Variants in ENKUR observed in about 807,000 individuals in gnomAD.
The protein encoded by ENKUR is enkurin, TRPC channel interacting protein, also known as enkurin.
Under a neutral mutation model 27.6 loss-of-function variants are expected in ENKUR, and 19 were observed. The ratio of observed to expected loss-of-function variants is 0.69; its 90% CI spans 0.48 to 1.01. The LOEUF (loss-of-function observed/expected upper bound fraction) is 1.01. Ranked by LOEUF, ENKUR falls within the 50% of genes least tolerant of loss-of-function variation. The probability of loss-of-function intolerance (pLI) is 0.00; values close to 1 mark genes in which losing one functional copy is unlikely to be tolerated. For synonymous variants in ENKUR, 117 were observed against 96.9 expected, an observed-to-expected ratio of 1.21 and a Z score of -1.22; for missense variants, 312 against 310.5, an observed-to-expected ratio of 1.00 and a Z score of -0.04.
In ENKUR at chr10:24,999,314, C is replaced by G. The variant is rs930825082; in HGVS notation, c.223+87G>C. The stretch of plus-strand genomic sequence containing the variant: ...TGAGGTAAAGCTGCTATCACCTGTG[C>G]ATGTTTAATATTCATCAACAATAAA... On this transcript the variant is annotated intron_variant, in intron 2 of 5. Coordinates refer to ENST00000331161, the MANE Select transcript of ENKUR (RefSeq NM_145010.4). 1.5e-5 allele frequency: 19 copies of G among 1,298,732 alleles called. No homozygotes were observed. In the Admixed American group the frequency reaches 4.4e-4, roughly 30 times the overall value. 80.5% of individuals were successfully genotyped at this position (1,298,732 alleles called of 1,614,324 possible).
rs1850812790 is a variant in ENKUR at position 25,024,844 on chromosome 10, A to T, written c.38-28975T>A. 1.9e-6 allele frequency: 3 copies of T among 1,613,996 alleles called. No homozygotes were observed. The highest frequency in any genetic ancestry group is 2.5e-6 in the Non-Finnish European group (3 of 1,180,042). ...TGCCTCTAATCAGAACCATGTTTTG[A>T]CTGATTTTATAAAAACAGGACATTA... On this transcript the variant is annotated intron_variant, in intron 2 of 5. Transcript: ENST00000615958.
At chr10:25,012,168 C>T (rs1767570071) in intron 1 of ENKUR, among the ~76,000 whole-genome samples, 1 of 152,258 alleles carries the variant, frequency 6.6e-6, no homozygotes, top group Non-Finnish European at 1.5e-5. Flanking sequence ...GTTTGGGAAC[C>T]TCCACCTAGA....
intron 1 of ENKUR, among the ~76,000 whole-genome samples, chr10:25,012,180 T>A (rs543858985): frequency 6.6e-6 from 1 of 152,328 alleles, no homozygotes; most frequent in African/African-American, 2.4e-5. Context: ...CCACCTAGAT[T>A]TCAAAGGTTG....
intron 2 of ENKUR, among the ~76,000 whole-genome samples, chr10:25,028,974 A>G (rs1360087348): frequency 6.6e-6 from 1 of 152,170 alleles, no homozygotes; most frequent in African/African-American, 2.4e-5. Flanking sequence ...TTGCTCAGAG[A>G]CTTCCAAATT....
At chr10:25,051,913 T>A (rs948271717) in intron 2 of ENKUR, among the ~76,000 whole-genome samples, 2 of 152,238 alleles carry the variant, frequency 1.3e-5, no homozygotes, top group Non-Finnish European at 2.9e-5. Flanking sequence ...GATTCTGCAA[T>A]TCACAGCTAG....
intron 2 of ENKUR, among the ~76,000 whole-genome samples, chr10:25,021,276 A>G (rs1365370627): frequency 6.6e-6 from 1 of 152,236 alleles, no homozygotes; most frequent in Non-Finnish European, 1.5e-5. Flanking sequence ...GCTAAGAGGT[A>G]TCTTTTTGTG....
chr10:25,057,442 C>T (rs569826081), intron 2 of ENKUR, among the ~76,000 whole-genome samples: 6 of 149,834 alleles, frequency 4.0e-5, no homozygotes, highest in East Asian at 2.0e-4. Context: ...GCCCTTAAAT[C>T]GCTCTTCAGT....
intron 2 of ENKUR, among the ~76,000 whole-genome samples, chr10:25,056,421 G>C (rs1260111198): frequency 6.6e-6 from 1 of 152,230 alleles, no homozygotes; most frequent in Non-Finnish European, 1.5e-5. Flanking sequence ...AATGGGGGAA[G>C]ACGCATTCAT....
Position 25,024,606 on chromosome 10 carries a change from T to C in ENKUR, c.38-28737A>G, listed in dbSNP as rs773225245. On this transcript the variant is annotated intron_variant, in intron 2 of 5. Transcript: ENST00000615958. Reference sequence around the variant, plus strand: ...TTACTGGCTTTCTTACTGTGGAATATGGAACAATCTTAAGTTCGGCTAACT... The same window carrying C: ...TTACTGGCTTTCTTACTGTGGAATACGGAACAATCTTAAGTTCGGCTAACT... 3.7e-6 allele frequency: 6 copies of C among 1,614,248 alleles called. No homozygotes were observed. The Admixed American group carries it at 6.7e-5, about 18-fold the overall frequency.
intron 1 of ENKUR, among the ~76,000 whole-genome samples, chr10:25,002,917 T>C (rs1850220989): frequency 6.6e-6 from 1 of 150,550 alleles, no homozygotes; most frequent in African/African-American, 2.5e-5. Flanking sequence ...TAATTTCATT[T>C]GGGGTAAAAA....
chr10:25,050,363 T>C (rs1331212187), intron 2 of ENKUR, among the ~76,000 whole-genome samples: 1 of 152,202 alleles, frequency 6.6e-6, no homozygotes, highest in Admixed American at 6.5e-5. Flanking sequence ...AGAAATTTAA[T>C]TGACTCACAG....
chr10:24,995,506 G>C, intron 3 of ENKUR, 140 bp downstream of exon 3: 1 of 733,488 alleles, frequency 1.4e-6, no homozygotes, highest in Non-Finnish European at 2.2e-6. Context: ...ACCAAACACA[G>C]ATTGCAGAAG....
chr10:24,987,044 C>T (rs1370460327), intron 4 of ENKUR, among the ~76,000 whole-genome samples: 3 of 152,188 alleles, frequency 2.0e-5, no homozygotes, highest in Non-Finnish European at 4.4e-5. Flanking sequence ...TGGGGTGCTC[C>T]CAGCTCTTTC....
intron 2 of ENKUR, chr10:25,024,326 C>T: frequency 6.2e-7 from 1 of 1,614,170 alleles, no homozygotes; most frequent in Non-Finnish European, 8.5e-7. Context: ...TGTATCCCAC[C>T]AAGTTGCAAT....
In ENKUR at chr10:25,054,521, T is replaced by TC. The variant is rs1226344743; in HGVS notation, c.37+6590dup. Among the ~76,000 whole-genome samples, 452 of 146,848 alleles carry TC rather than the reference T, an allele frequency of 3.1e-3. 3 individuals carry two copies. The highest frequency in any genetic ancestry group is 0.011 in the African/African-American group (423 of 39,414). On this transcript the variant is annotated intron_variant, in intron 2 of 5. Coordinates refer to the ENKUR transcript ENST00000615958. Reference sequence around the variant, plus strand: ...TCTTTCTTTCTTTCTTTCCTTTCTTTCTTTCTTTCCTTTCTTTCTTTCTTT... The same window carrying TC: ...TCTTTCTTTCTTTCTTTCCTTTCTTTCCTTTCTTTCCTTTCTTTCTTTCTTT...
intron 3 of ENKUR, among the ~76,000 whole-genome samples, chr10:24,991,616 G>C (rs187760292): frequency 6.6e-6 from 1 of 152,122 alleles, no homozygotes; most frequent in Non-Finnish European, 1.5e-5. Flanking sequence ...AGAGCTGCCC[G>C]GCTCCAGGGA....
At chr10:25,049,869 C>A (rs1851165850) in intron 2 of ENKUR, among the ~76,000 whole-genome samples, 1 of 150,328 alleles carries the variant, frequency 6.7e-6, no homozygotes, top group African/African-American at 2.5e-5. Flanking sequence ...GTGTATTAGA[C>A]CATTTTTGCA....
chr10:25,044,444 TGGA>T (rs1851099157), intron 2 of ENKUR, among the ~76,000 whole-genome samples: 1 of 152,208 alleles, frequency 6.6e-6, no homozygotes, highest in Non-Finnish European at 1.5e-5. Flanking sequence ...TCACCCAGGC[TGGA>T]GTGCAATGGC....
intron 1 of ENKUR, among the ~76,000 whole-genome samples, chr10:25,004,986 C>T (rs1850279060): frequency 6.6e-6 from 1 of 152,168 alleles, no homozygotes. Flanking sequence ...TATGGCTAGC[C>T]AGTTCTCCCA....
Sources: gnomAD v4.1 joint callset for allele counts (sites outside exome capture counted in the v4.1 genomes callset) on GRCh38, gnomAD v4.1.1 for gene constraint, MANE v1.5 for transcripts, NCBI Gene and HGNC (gene_info 2026-07-23, HGNC 2026-07-21) for gene names.